The following GIPC2 variants were observed in gnomAD, a reference collection of about 807,000 sequenced individuals.
GIPC2 encodes the protein GIPC PDZ domain containing family member 2.
Under a neutral mutation model 30.6 loss-of-function variants are expected in GIPC2, and 30 were observed. That is an observed-to-expected ratio of 0.98 (90% CI 0.73 to 1.33). The LOEUF (loss-of-function observed/expected upper bound fraction) is 1.33. Among genes scored for constraint, GIPC2 ranks in the 40% most tolerant of loss-of-function variants. The pLI is 0.00. For synonymous variants in GIPC2, 167 were observed against 150.0 expected, an observed-to-expected ratio of 1.11 and a Z score of -0.83; for missense variants, 414 against 390.3, an observed-to-expected ratio of 1.06 and a Z score of -0.51.
At chr1:78,130,351 C>T (rs926784560) in intron 5 of GIPC2, among the ~76,000 whole-genome samples, 4 of 152,134 alleles carry the variant, frequency 2.6e-5, no homozygotes, top group African/African-American at 9.7e-5. Context: ...ATCCACCTGC[C>T]TTGGCCTCCC....
chr1:78,065,085 C>T (rs974831101), intron 1 of GIPC2, among the ~76,000 whole-genome samples: 4 of 152,004 alleles, frequency 2.6e-5, no homozygotes, highest in African/African-American at 7.2e-5. Flanking sequence ...GTGATCTTCT[C>T]GCCTCAGCCC....
intron 4 of GIPC2, among the ~76,000 whole-genome samples, chr1:78,122,875 C>T (rs185570883): frequency 6.6e-6 from 1 of 152,070 alleles, no homozygotes. Context: ...CTATTACAAC[C>T]CAGTGGGATA....
At chr1:78,130,101 T>G (rs1571531641) in intron 5 of GIPC2, among the ~76,000 whole-genome samples, 1 of 146,314 alleles carries the variant, frequency 6.8e-6, no homozygotes, top group East Asian at 2.4e-4. Flanking sequence ...CTTCCTAGGA[T>G]CACTTTTTTT....
Position 78,046,424 on chromosome 1 carries a change from C to T in GIPC2, c.240+90C>T, listed in dbSNP as rs1661087695. 1.6e-5 allele frequency: 20 copies of T among 1,257,542 alleles called. 1 individual carries two copies. The South Asian group carries it at 2.6e-4, about 17-fold the overall frequency. 77.9% of individuals were successfully genotyped at this position (1,257,542 alleles called of 1,614,324 possible). On this transcript the variant is annotated intron_variant, in intron 1 of 5. Transcript: ENST00000370759. ...CTGTGGGCCCAGGAGGGTTGAGCGG[C>T]GTTTCCCGGAGCGCGAAATCCGATG...
At chr1:78,057,641 C>G (rs1005926470) in intron 1 of GIPC2, among the ~76,000 whole-genome samples, 1 of 152,100 alleles carries the variant, frequency 6.6e-6, no homozygotes, top group Non-Finnish European at 1.5e-5. Flanking sequence ...ATCATTTGTA[C>G]ATGTTATGAA....
At chr1:78,060,378 C>A (rs139096587) in intron 1 of GIPC2, among the ~76,000 whole-genome samples, 6,688 of 152,192 alleles carry the variant, frequency 0.044, 211 homozygotes, top group East Asian at 0.083. Context: ...CTCCTGAGCT[C>A]AAGCAATTCT....
intron 3 of GIPC2, among the ~76,000 whole-genome samples, chr1:78,106,369 C>T (rs1662353699): frequency 6.6e-6 from 1 of 151,992 alleles, no homozygotes; most frequent in East Asian, 1.9e-4. Flanking sequence ...ACCATCCTGG[C>T]GAACACTGTT....
chr1:78,125,929 G>A lies in GIPC2; in HGVS notation c.763G>A (p.Glu255Lys). The A allele has an allele frequency of 6.3e-7, 1 of 1,585,726 alleles. No individual in the cohort carries two copies. Among genetic ancestry groups the A allele is most frequent in the Non-Finnish European group, 8.7e-7 (1 of 1,154,556 alleles). ...AATTGAAAAGATTGATGATGTTCTT[G>A]AGTTGTACATGGGAATTCGAGATAT... ...KAIEKIDDVL[E>K]LYMGIRDIDL... The change falls in exon 5 of 6, where the codon GAG (glutamate) becomes AAG (lysine). Residue 255 changes from glutamate to lysine, a missense_variant. Glu to Lys is a moderately conservative substitution (Grantham distance 56). Coordinates refer to ENST00000370759, the MANE Select transcript of GIPC2 (RefSeq NM_017655.6).
chr1:78,100,742 C>A (rs1275233864), intron 3 of GIPC2, among the ~76,000 whole-genome samples: 1 of 151,810 alleles, frequency 6.6e-6, no homozygotes, highest in African/African-American at 2.4e-5. Flanking sequence ...CCAGCCTGGC[C>A]AATGTGGTGA....
At chr1:78,117,363 C>T (rs1210374420) in intron 3 of GIPC2, among the ~76,000 whole-genome samples, 1 of 152,124 alleles carries the variant, frequency 6.6e-6, no homozygotes, top group Non-Finnish European at 1.5e-5. Context: ...GCAGGGGTCC[C>T]CAACCTTTTT....
chr1:78,103,460 T>G (rs1662287524), intron 3 of GIPC2, among the ~76,000 whole-genome samples: 1 of 152,212 alleles, frequency 6.6e-6, no homozygotes. Context: ...GTTATGTAAT[T>G]GCAACCCATT....
At chr1:78,049,814 G>A (rs1310319040) in intron 1 of GIPC2, among the ~76,000 whole-genome samples, 1 of 151,874 alleles carries the variant, frequency 6.6e-6, no homozygotes, top group Non-Finnish European at 1.5e-5. Flanking sequence ...CTGGTTTCCT[G>A]GTTCTAAGTC....
chr1:78,128,054 C>T (rs1200710185), intron 5 of GIPC2, among the ~76,000 whole-genome samples: 1 of 152,182 alleles, frequency 6.6e-6, no homozygotes, highest in Non-Finnish European at 1.5e-5. Flanking sequence ...AACTTAAAAA[C>T]ATTGGTAGTT....
chr1:78,118,246 G>GAAAAAAA (rs1557548803), intron 3 of GIPC2, among the ~76,000 whole-genome samples: 1 of 15,806 alleles, frequency 6.3e-5, no homozygotes, highest in African/African-American at 2.6e-4. Flanking sequence ...CAGTTTCATT[G>GAAAAAAA]CAAAAAAAAA....
intron 3 of GIPC2, among the ~76,000 whole-genome samples, chr1:78,116,805 G>T (rs1401024594): frequency 6.6e-6 from 1 of 152,146 alleles, no homozygotes; most frequent in Non-Finnish European, 1.5e-5. Context: ...GAATAGTGCT[G>T]CAGTAAACAT....
intron 5 of GIPC2, 40 bp downstream of exon 5, chr1:78,126,002 T>G (rs1354021412): frequency 1.1e-6 from 1 of 901,512 alleles, no homozygotes; most frequent in African/African-American, 1.6e-5. Context: ...TATCTCTTAA[T>G]CTGCTTAATG....
At chr1:78,059,920 T>C (rs1168629609) in intron 1 of GIPC2, among the ~76,000 whole-genome samples, 1 of 152,194 alleles carries the variant, frequency 6.6e-6, no homozygotes, top group Non-Finnish European at 1.5e-5. Context: ...GTAGTATTTT[T>C]GAACTTAATG....
At chr1:78,074,778 G>GTAAGGAGGAGAGAT (rs1553141058) in intron 1 of GIPC2, among the ~76,000 whole-genome samples, 1 of 152,186 alleles carries the variant, frequency 6.6e-6, no homozygotes, top group African/African-American at 2.4e-5. Flanking sequence ...GATATTGGAA[G>GTAAGGAGGAGAGAT]TAAGGAGGAG....
intron 4 of GIPC2, among the ~76,000 whole-genome samples, chr1:78,121,801 G>A (rs1662689264): frequency 6.6e-6 from 1 of 152,146 alleles, no homozygotes; most frequent in African/African-American, 2.4e-5. Flanking sequence ...ATTGCTGAAG[G>A]CCAGTAAGTG....
Sources: gnomAD v4.1 joint callset for allele counts (sites outside exome capture counted in the v4.1 genomes callset) on GRCh38, gnomAD v4.1.1 for gene constraint, MANE v1.5 for transcripts, NCBI Gene and HGNC (gene_info 2026-07-23, HGNC 2026-07-21) for gene names.